Variants in PATJ observed in about 807,000 individuals in gnomAD.
PATJ encodes PATJ crumbs cell polarity complex component.
PATJ carries 190 observed loss-of-function variants against 224.9 expected under a neutral mutation model. That is an observed-to-expected ratio of 0.84 (90% CI 0.75 to 0.95). The LOEUF (loss-of-function observed/expected upper bound fraction) is 0.95. PATJ is among the 40% of genes least tolerant of loss of function. The pLI is 0.00. For synonymous variants in PATJ, 769 were observed against 820.3 expected, an observed-to-expected ratio of 0.94 and a Z score of 1.07; for missense variants, 2,121 against 2,270.3, an observed-to-expected ratio of 0.93 and a Z score of 1.34.
chr1:62,020,992 G>GT lies in PATJ; in HGVS notation c.3959+3055dup, dbSNP rs201809933. 2.1e-4 allele frequency among the ~76,000 whole-genome samples: 32 copies of GT among 149,400 alleles called. 1 individual carries two copies. Among genetic ancestry groups the GT allele is most frequent in the Middle Eastern group, 3.5e-3 (1 of 286 alleles). ...AGGTGTGTACCACCAGGCCCGGCTA[G>GT]TTTTTTTTTTATTTTTAGTAGAGAC... On this transcript the variant is annotated intron_variant, in intron 29 of 43. Transcript: ENST00000642238.
At chr1:61,747,542 G>A (rs1046214580) in intron 1 of PATJ, among the ~76,000 whole-genome samples, 1 of 152,186 alleles carries the variant, frequency 6.6e-6, no homozygotes, top group African/African-American at 2.4e-5. Flanking sequence ...TCTGTAAGCT[G>A]TTATTCTCCT....
chr1:62,118,720 C>T (rs1330963337), intron 37 of PATJ, among the ~76,000 whole-genome samples: 3 of 152,092 alleles, frequency 2.0e-5, no homozygotes, highest in African/African-American at 7.2e-5. Context: ...ATCTTCGCCT[C>T]CCGGGTTCAA....
At chr1:62,020,029 C>T (rs996998922) in intron 29 of PATJ, among the ~76,000 whole-genome samples, 1 of 151,854 alleles carries the variant, frequency 6.6e-6, no homozygotes, top group Non-Finnish European at 1.5e-5. Flanking sequence ...ATTAGCCAGG[C>T]GTGGTGGCAT....
chr1:62,050,107 C>T (rs1387270530), intron 30 of PATJ, among the ~76,000 whole-genome samples: 1 of 131,460 alleles, frequency 7.6e-6, no homozygotes, highest in Non-Finnish European at 1.5e-5. Flanking sequence ...TAGAGTGAGA[C>T]TGTCTGCCCC....
At chr1:62,022,392 T>C (rs1647135436) in intron 29 of PATJ, among the ~76,000 whole-genome samples, 1 of 152,154 alleles carries the variant, frequency 6.6e-6, no homozygotes, top group South Asian at 2.1e-4. Context: ...ACCCTAAACA[T>C]ATGGTCCCTG....
intron 31 of PATJ, among the ~76,000 whole-genome samples, chr1:62,076,195 G>A (rs1658271225): frequency 6.6e-6 from 1 of 152,010 alleles, no homozygotes; most frequent in Non-Finnish European, 1.5e-5. Context: ...CTTCTTAAAA[G>A]AAGATTAAGT....
At position 61,927,739 on chromosome 1, in the gene PATJ, A is replaced by G; in HGVS notation, c.3580A>G (p.Thr1194Ala). The G allele has an allele frequency of 1.2e-6, 2 of 1,612,558 alleles. No individual in the cohort carries two copies. The highest frequency in any genetic ancestry group is 1.7e-6 in the Non-Finnish European group (2 of 1,179,094). ...TQEKKEKRQG[T>A]APPPMKLPPP... ...AATTTTGCATCTTCAGAGGCAAGGA[A>G]CTGCTCCACCGCCAATGAAACTTCC... Residue 1194 changes from threonine (T) to alanine (A), a missense_variant, in exon 27 of 44, where the codon ACT becomes GCT. Coordinates refer to ENST00000642238, the MANE Select transcript of PATJ (RefSeq NM_001350145.3).
chr1:62,136,015 ATTTTTTT>A (rs374594803), intron 41 of PATJ, among the ~76,000 whole-genome samples: 3 of 63,902 alleles, frequency 4.7e-5, no homozygotes, highest in African/African-American at 6.4e-5. Context: ...AGACCATTAG[ATTTTTTT>A]TTTTTTTTTT....
chr1:61,912,319 C>T lies in PATJ; in HGVS notation c.3493-2268C>T, dbSNP rs114494385. 5.1e-3 allele frequency among the ~76,000 whole-genome samples: 770 copies of T among 152,156 alleles called. 7 individuals carry two copies. Among genetic ancestry groups the T allele is most frequent in the African/African-American group, 0.018 (737 of 41,534 alleles). On this transcript the variant is annotated intron_variant, in intron 25 of 43. Transcript: ENST00000642238. ...GCTATTTGAAAAACAGTGGGCTGGG[C>T]GCAGTGGCTCACGCCTGTAATCCCA... is the stretch of plus-strand genomic sequence containing the variant.
chr1:61,919,324 T>C (rs10047229), intron 26 of PATJ, among the ~76,000 whole-genome samples: 2,172 of 152,040 alleles, frequency 0.014, 49 homozygotes, highest in African/African-American at 0.049. Context: ...TTTTCTTTTT[T>C]TTTTGGAGAC....
intron 29 of PATJ, among the ~76,000 whole-genome samples, chr1:62,028,072 A>G (rs1417939574): frequency 1.3e-5 from 2 of 152,212 alleles, no homozygotes; most frequent in Non-Finnish European, 2.9e-5. Flanking sequence ...CAATGTCACA[A>G]AGCATTTCAT....
At chr1:61,894,264 A>AC (rs200759760) in intron 22 of PATJ, among the ~76,000 whole-genome samples, 3,635 of 144,468 alleles carry the variant, frequency 0.025, 81 homozygotes, top group Non-Finnish European at 0.036. Flanking sequence ...CATAAAAAAA[A>AC]AAAAACACAA....
At chr1:61,826,459 C>T (rs923585148) in intron 15 of PATJ, among the ~76,000 whole-genome samples, 1 of 152,126 alleles carries the variant, frequency 6.6e-6, no homozygotes, top group African/African-American at 2.4e-5. Flanking sequence ...GAGTCAGATG[C>T]GAAAAGATTA....
intron 27 of PATJ, among the ~76,000 whole-genome samples, chr1:61,949,222 AAAG>A (rs1196666943): frequency 1.3e-5 from 2 of 150,730 alleles, no homozygotes; most frequent in Non-Finnish European, 1.5e-5. Flanking sequence ...TAATAAAAAA[AAAG>A]AAAAAAAAAG....
chr1:62,117,451 TTCTC>T (rs1417136734), intron 37 of PATJ: 9 of 1,360,464 alleles, frequency 6.6e-6, no homozygotes, highest in African/African-American at 1.5e-5. Flanking sequence ...GGAAGCTCTT[TTCTC>T]TCTATTAGTT....
chr1:62,004,212 CTAAA>C (rs1645961650), intron 28 of PATJ, among the ~76,000 whole-genome samples: 1 of 152,180 alleles, frequency 6.6e-6, no homozygotes, highest in Non-Finnish European at 1.5e-5. Context: ...CTGTATCTGA[CTAAA>C]TAAAGTCATT....
intron 34 of PATJ, among the ~76,000 whole-genome samples, chr1:62,112,289 T>A (rs1663923389): frequency 6.6e-6 from 1 of 151,968 alleles, no homozygotes; most frequent in Non-Finnish European, 1.5e-5. Flanking sequence ...GTGGATCACC[T>A]AAGGTCAAGA....
intron 31 of PATJ, among the ~76,000 whole-genome samples, chr1:62,063,581 A>G (rs972067405): frequency 6.6e-6 from 1 of 152,182 alleles, no homozygotes; most frequent in Non-Finnish European, 1.5e-5. Context: ...CATTGAATGC[A>G]TAGATTGCTT....
chr1:62,114,038 T>C lies in PATJ; in HGVS notation c.4462-15T>C. The C allele has an allele frequency of 6.2e-7, 1 of 1,612,852 alleles. No individual in the cohort carries two copies. Among genetic ancestry groups the C allele is most frequent in the Non-Finnish European group, 8.5e-7 (1 of 1,179,260 alleles). ...CTGCCATCAGCAGCCCAGCTCAGGA[T>C]GCCCATTGTTCCAGGTTAATGGGGT... On this transcript the variant is annotated splice_polypyrimidine_tract_variant and intron_variant, in intron 34 of 43. Coordinates refer to ENST00000642238, the MANE Select transcript of PATJ (RefSeq NM_001350145.3).
Sources: allele counts gnomAD v4.1 joint callset (sites outside exome capture counted in the v4.1 genomes callset), GRCh38; gene constraint gnomAD v4.1.1; transcripts MANE v1.5; gene names NCBI Gene and HGNC (gene_info 2026-07-23, HGNC 2026-07-21).